The following CTNNA3 variants were observed in gnomAD, a reference collection of about 807,000 sequenced individuals.
CTNNA3 encodes the protein catenin alpha 3.
A neutral mutation model predicts 95.7 loss-of-function variants in CTNNA3; 76 were observed. The observed-to-expected ratio is 0.79, with a 90% CI of 0.66 to 0.96. CTNNA3 has a LOEUF of 0.96. Among genes scored for constraint, CTNNA3 ranks in the 40% least tolerant of loss-of-function variants. The pLI is 0.00. For missense variants in CTNNA3, 1,191 were observed against 1,089.8 expected, an observed-to-expected ratio of 1.09 and a Z score of -1.31; for synonymous variants, 431 against 374.4, an observed-to-expected ratio of 1.15 and a Z score of -1.74.
intron 5 of CTNNA3, among the ~76,000 whole-genome samples, chr10:67,392,353 G>C (rs1486667897): frequency 6.6e-6 from 1 of 152,134 alleles, no homozygotes; most frequent in Non-Finnish European, 1.5e-5. Context: ...AAACCACAAT[G>C]AGATACCATC....
At chr10:66,362,162 G>A (rs1157944478) in intron 12 of CTNNA3, among the ~76,000 whole-genome samples, 1 of 129,284 alleles carries the variant, frequency 7.7e-6, no homozygotes, top group Admixed American at 9.5e-5. Context: ...GAGTGCAGTT[G>A]TGCGATCTCA....
intron 5 of CTNNA3, among the ~76,000 whole-genome samples, chr10:67,519,974 T>C (rs981371631): frequency 6.6e-6 from 1 of 152,120 alleles, no homozygotes; most frequent in Admixed American, 6.5e-5. Flanking sequence ...CAAGAAGACA[T>C]AACACTCCAG....
chr10:66,106,336 TTTGTG>T (rs2081907941), intron 13 of CTNNA3, among the ~76,000 whole-genome samples: 2 of 115,202 alleles, frequency 1.7e-5, no homozygotes, highest in Non-Finnish European at 3.5e-5. Context: ...TGTGTGTGTG[TTTGTG>T]TGTGTGTGTG....
chr10:67,421,830 A>G (rs1333309535), intron 5 of CTNNA3, among the ~76,000 whole-genome samples: 2 of 152,198 alleles, frequency 1.3e-5, no homozygotes, highest in Non-Finnish European at 2.9e-5. Context: ...ATACTGATAT[A>G]AACAAACAAA....
chr10:67,489,074 C>T (rs1228964907), intron 5 of CTNNA3, among the ~76,000 whole-genome samples: 1 of 152,040 alleles, frequency 6.6e-6, no homozygotes, highest in Non-Finnish European at 1.5e-5. Flanking sequence ...ATTATTTTTC[C>T]CTAACATGTA....
chr10:67,157,586 C>T (rs538993015), intron 7 of CTNNA3, among the ~76,000 whole-genome samples: 77 of 152,206 alleles, frequency 5.1e-4, no homozygotes, highest in African/African-American at 1.5e-3. Context: ...AAACTCTCTC[C>T]GGAACCAGTA....
chr10:66,499,212 A>G (rs1005716283), intron 11 of CTNNA3, among the ~76,000 whole-genome samples: 6 of 152,184 alleles, frequency 3.9e-5, no homozygotes, highest in Non-Finnish European at 8.8e-5. Flanking sequence ...TGCCACCAAA[A>G]CCATATATAA....
chr10:67,390,370 C>G (rs944926080), intron 5 of CTNNA3, among the ~76,000 whole-genome samples: 2 of 152,218 alleles, frequency 1.3e-5, no homozygotes, highest in Middle Eastern at 3.2e-3. Context: ...AACTGAATCT[C>G]TGAATAGACC....
At chr10:67,493,285 G>A (rs1257888882) in intron 5 of CTNNA3, among the ~76,000 whole-genome samples, 1 of 152,030 alleles carries the variant, frequency 6.6e-6, no homozygotes, top group African/African-American at 2.4e-5. Context: ...ATTTTAGGCC[G>A]GACACGGCGG....
At chr10:66,360,636 T>C (rs1003282497) in intron 12 of CTNNA3, among the ~76,000 whole-genome samples, 2 of 55,582 alleles carry the variant, frequency 3.6e-5, no homozygotes, top group African/African-American at 6.7e-5. Context: ...TCTTTCTTTC[T>C]TTCTTTCTTT....
chr10:67,030,242 C>T (rs765697443), intron 7 of CTNNA3, among the ~76,000 whole-genome samples: 1 of 152,166 alleles, frequency 6.6e-6, no homozygotes, highest in Non-Finnish European at 1.5e-5. Flanking sequence ...GCATTCTGCT[C>T]TACATAATGG....
Position 65,982,491 on chromosome 10 carries a change from C to G in CTNNA3, c.2265+6201G>C, listed in dbSNP as rs1589213828. On this transcript the variant is annotated intron_variant, in intron 16 of 17. Transcript: ENST00000433211. ...TAGAACTATCATCTGATCTAGTAACCCCACTACTAGATATCTACCCAGAGG... is the reference window on the plus strand; with the variant it reads ...TAGAACTATCATCTGATCTAGTAACGCCACTACTAGATATCTACCCAGAGG... Among the ~76,000 whole-genome samples, 4 of 150,682 alleles carry G rather than the reference C, an allele frequency of 2.7e-5. No individual in the cohort carries two copies. The Admixed American group carries it at 2.7e-4, about 10-fold the overall frequency.
intron 7 of CTNNA3, among the ~76,000 whole-genome samples, chr10:66,991,465 T>G (rs1164470353): frequency 6.6e-6 from 1 of 152,204 alleles, no homozygotes; most frequent in Non-Finnish European, 1.5e-5. Context: ...ATTTTGATTT[T>G]TGAAGTAATT....
chr10:66,679,844 A>C (rs1253393770), intron 9 of CTNNA3, among the ~76,000 whole-genome samples: 1 of 152,182 alleles, frequency 6.6e-6, no homozygotes, highest in African/African-American at 2.4e-5. Flanking sequence ...TCAAGCAACA[A>C]TGCAAAGGGT....
At chr10:66,661,173 T>C (rs1245714218) in intron 9 of CTNNA3, among the ~76,000 whole-genome samples, 3 of 152,136 alleles carry the variant, frequency 2.0e-5, no homozygotes, top group Admixed American at 1.3e-4. Flanking sequence ...TTTTAGAATC[T>C]AATATTATAT....
chr10:65,936,352 A>G (rs1048281546), intron 17 of CTNNA3, among the ~76,000 whole-genome samples: 10 of 152,250 alleles, frequency 6.6e-5, no homozygotes, highest in African/African-American at 2.4e-4. Flanking sequence ...AACCAAATAT[A>G]TTTATGAAAT....
At chr10:66,477,122 T>A (rs1839355304) in intron 11 of CTNNA3, among the ~76,000 whole-genome samples, 1 of 152,138 alleles carries the variant, frequency 6.6e-6, no homozygotes, top group Non-Finnish European at 1.5e-5. Flanking sequence ...TTAATGTCAG[T>A]ACTCTGTTAT....
At chr10:67,389,697 A>G (rs1238476778) in intron 5 of CTNNA3, among the ~76,000 whole-genome samples, 3 of 148,526 alleles carry the variant, frequency 2.0e-5, no homozygotes, top group African/African-American at 7.4e-5. Context: ...AACAGAAATT[A>G]TAACAAACTA....
chr10:67,285,071 T>C (rs12252632), intron 5 of CTNNA3, among the ~76,000 whole-genome samples: 21,294 of 152,184 alleles, frequency 0.14, 3,097 homozygotes, highest in African/African-American at 0.37. Context: ...AATAGATATT[T>C]ACTCATTTCT....
Sources: gnomAD v4.1 joint callset for allele counts (sites outside exome capture counted in the v4.1 genomes callset) on GRCh38, gnomAD v4.1.1 for gene constraint, MANE v1.5 for transcripts, NCBI Gene and HGNC (gene_info 2026-07-23, HGNC 2026-07-21) for gene names.